Variants in SCAP observed in about 807,000 individuals in gnomAD.
The protein encoded by SCAP is sterol regulatory element-binding protein cleavage-activating protein.
In SCAP, 65 loss-of-function variants were observed where a neutral mutation model predicts 123.6. The observed-to-expected ratio is 0.53, with a 90% CI of 0.43 to 0.65. The LOEUF (loss-of-function observed/expected upper bound fraction) is 0.65, where lower values mean the gene tolerates loss of function less well. Ranked by LOEUF, SCAP falls within the 30% of genes least tolerant of loss-of-function variation. The pLI is 0.00. For missense variants in SCAP, 1,398 were observed against 1,712.5 expected (o/e 0.82, Z 3.24); for synonymous variants, 740 against 726.3 (o/e 1.02, Z -0.30).
At chr3:47,440,747 C>A (rs1395823257) in intron 2 of SCAP, among the ~76,000 whole-genome samples, 1 of 152,246 alleles carries the variant, frequency 6.6e-6, no homozygotes, top group South Asian at 2.1e-4. Flanking sequence ...ATAGTCCCAA[C>A]TACTCAGAGG....
At chr3:47,456,080 A>G (rs991350392) in intron 1 of SCAP, among the ~76,000 whole-genome samples, 9 of 152,202 alleles carry the variant, frequency 5.9e-5, no homozygotes, top group Non-Finnish European at 8.8e-5. Context: ...GCCACGGAAA[A>G]AAATTAAGCT....
In SCAP at chr3:47,420,870, G is replaced by A. The variant is rs1705869213; in HGVS notation, c.1344+61C>T. ...CGAGGTCTACACCCTTCTCACCCAG[G>A]ACTCCCTCAGTACAGCCAGGGCTGA... On this transcript the variant is annotated intron_variant, in intron 11 of 22. Coordinates refer to ENST00000265565, the MANE Select transcript of SCAP (RefSeq NM_012235.4). The surrounding 1 kb of genome is among the most constrained non-coding windows in gnomAD (Gnocchi z 5.0). The A allele has an allele frequency of 1.9e-6, 3 of 1,586,138 alleles. No individual in the cohort carries two copies. In the African/African-American group the frequency reaches 4.0e-5, roughly 21 times the overall value.
rs1553641192 is a variant in SCAP at position 47,413,803 on chromosome 3, T to C, written c.*51A>G. ...TCCCCCAAGTCCAGGTTCAGTGCAT[T>C]GGCCCCCACACAGCACCCCAGCCTC... On this transcript the variant is annotated 3_prime_UTR_variant, in exon 23 of 23. Transcript: ENST00000265565. The C allele has an allele frequency of 1.3e-6, 2 of 1,574,042 alleles. No individual in the cohort carries two copies. Among genetic ancestry groups the C allele is most frequent in the Non-Finnish European group, 1.7e-6 (2 of 1,164,196 alleles).
chr3:47,420,763 G>C lies in SCAP; in HGVS notation c.1354C>G (p.Leu452Val), dbSNP rs1705861316. 6.2e-7 allele frequency: 1 copy of C among 1,610,608 alleles called. No individual in the cohort carries two copies. Among genetic ancestry groups the C allele is most frequent in the Non-Finnish European group, 8.5e-7 (1 of 1,179,730 alleles). The change falls in exon 12 of 23, where the codon CTG becomes GTG. Residue 452 changes from leucine (L) to valine (V), a missense_variant. Around this residue, in one of 7 missense-constraint regions of SCAP, gnomAD observed 66 missense variants for 116.3 expected, o/e 0.57. Transcript: ENST00000265565. This position sits in a 1 kb window ranked among gnomAD's most constrained non-coding sequence, Gnocchi z 5.0. ...GCCTCAGGGGGCAGTCGCTTGTTCA[G>C]GTCTGCTAGCTGTTGGGGGCACAGT... ...IDIRRMELAD[L>V]NKRLPPEACL... is the part of the protein sequence containing the mutation.
At chr3:47,430,832 G>A (rs1706328922) in intron 3 of SCAP, among the ~76,000 whole-genome samples, 1 of 152,056 alleles carries the variant, frequency 6.6e-6, no homozygotes, top group South Asian at 2.1e-4. Flanking sequence ...TCCACGCCTG[G>A]GCTGCAGTCG....
chr3:47,427,138 A>C lies in SCAP; in HGVS notation c.737+19T>G. 1 of 1,569,756 alleles carries C rather than the reference A, an allele frequency of 6.4e-7. No homozygotes were observed. Among genetic ancestry groups the C allele is most frequent in the Non-Finnish European group, 8.8e-7 (1 of 1,139,632 alleles). The stretch of plus-strand genomic sequence containing the variant: ...CACCCAGCAGACCAGTCAAGAGCCC[A>C]GGGTACTGTCAATCTTACTTGGCAT... On this transcript the variant is annotated intron_variant, in intron 6 of 22. Transcript: ENST00000265565.
At chr3:47,418,605 C>T (rs762463972) in intron 14 of SCAP, 50 bp downstream of exon 14, 15 of 1,550,094 alleles carry the variant, frequency 9.7e-6, no homozygotes, top group Admixed American at 1.9e-5. Flanking sequence ...CTTGCCTACC[C>T]GTCCCCCTCC....
intron 2 of SCAP, among the ~76,000 whole-genome samples, chr3:47,436,267 C>G (rs924701391): frequency 2.0e-5 from 3 of 152,106 alleles, no homozygotes; most frequent in African/African-American, 7.2e-5. Flanking sequence ...GTGGTTTATA[C>G]TAGGATCATG....
chr3:47,437,862 G>C (rs528255799), intron 2 of SCAP, among the ~76,000 whole-genome samples: 3 of 152,248 alleles, frequency 2.0e-5, no homozygotes, highest in Admixed American at 2.0e-4. Context: ...TTTCTGTCGG[G>C]TATATTCCTA....
chr3:47,464,996 T>C, intron 1 of SCAP, among the ~76,000 whole-genome samples: 1 of 151,766 alleles, frequency 6.6e-6, no homozygotes, highest in East Asian at 1.9e-4. Context: ...AAAAACAAAA[T>C]TAGGAAAACA....
At chr3:47,437,445 AG>A (rs71098485) in intron 2 of SCAP, among the ~76,000 whole-genome samples, 14 of 144,588 alleles carry the variant, frequency 9.7e-5, no homozygotes, top group Admixed American at 1.4e-4. Flanking sequence ...AAAAAAAAAA[AG>A]GAGAATAAAG....
intron 3 of SCAP, among the ~76,000 whole-genome samples, chr3:47,429,499 C>G (rs1012624426): frequency 1.6e-4 from 24 of 152,206 alleles, no homozygotes; most frequent in African/African-American, 5.8e-4. Flanking sequence ...GGTGTGTGCA[C>G]CACCACCACG....
Position 47,450,882 on chromosome 3 carries a change from ACT to A in SCAP, c.-98-7793_-98-7792del, listed in dbSNP as rs1200469568. On this transcript the variant is annotated intron_variant, in intron 1 of 22. Transcript: ENST00000265565. Reference sequence around the variant, plus strand: ...TTTCTTTTTTTAGAGATGGGGTCTCACTCTGTCACCCAGGCTGGGGTACAGTG... The same window carrying A: ...TTTCTTTTTTTAGAGATGGGGTCTCACTGTCACCCAGGCTGGGGTACAGTG... 1.6e-5 allele frequency among the ~76,000 whole-genome samples: 2 copies of A among 122,740 alleles called. 1 individual carries two copies. Among genetic ancestry groups the A allele is most frequent in the African/African-American group, 5.6e-5 (2 of 35,750 alleles). The allele number at this position is 122,740 out of a possible 152,430, so 80.5% of individuals were successfully genotyped here.
At chr3:47,432,502 T>C (rs1235335895) in intron 3 of SCAP, among the ~76,000 whole-genome samples, 1 of 152,072 alleles carries the variant, frequency 6.6e-6, no homozygotes, top group Non-Finnish European at 1.5e-5. Flanking sequence ...TCAAGGACAG[T>C]GAGCCTCTAT....
chr3:47,416,604 C>T (rs1705583222), intron 18 of SCAP, among the ~76,000 whole-genome samples: 1 of 147,074 alleles, frequency 6.8e-6, no homozygotes, highest in East Asian at 2.0e-4. Flanking sequence ...AAGCACGTCA[C>T]ACCCCTAACG....
intron 3 of SCAP, among the ~76,000 whole-genome samples, chr3:47,433,564 T>C (rs960208339): frequency 1.3e-5 from 2 of 152,206 alleles, no homozygotes; most frequent in African/African-American, 4.8e-5. Context: ...TGTGCTAACA[T>C]TGCATTAAAA....
At position 47,420,460 on chromosome 3, in the gene SCAP, C is replaced by T. The variant is rs1017258631; in HGVS notation, c.1563+94G>A. The T allele has an allele frequency of 8.5e-6, 10 of 1,170,522 alleles. No homozygotes were observed. The highest frequency in any genetic ancestry group is 8.3e-6 in the Non-Finnish European group (7 of 847,592). 72.5% of individuals were successfully genotyped at this position (1,170,522 alleles called of 1,614,324 possible). A position where few individuals can be genotyped will look rare whatever the true frequency, so the allele number is the denominator to read the frequency against. The stretch of plus-strand genomic sequence containing the variant: ...AGGGGCCACCAGGGCCTGAGGAATA[C>T]CCTTTGCCACTCTAAGGCCAAGTGC... On this transcript the variant is annotated intron_variant, in intron 12 of 22. Transcript: ENST00000265565. This position sits in a 1 kb window ranked among gnomAD's most constrained non-coding sequence, Gnocchi z 5.0.
chr3:47,426,424 T>C (rs1396539016), intron 6 of SCAP, among the ~76,000 whole-genome samples: 2 of 152,032 alleles, frequency 1.3e-5, no homozygotes, highest in African/African-American at 4.8e-5. Context: ...ACTCTCTTTT[T>C]TATTTATTTA....
At chr3:47,462,059 T>G (rs1194926551) in intron 1 of SCAP, among the ~76,000 whole-genome samples, 1 of 152,066 alleles carries the variant, frequency 6.6e-6, no homozygotes, top group East Asian at 1.9e-4. Context: ...AGCATTCAGA[T>G]TTAAATGTTT....
Sources: gnomAD v4.1 joint callset for allele counts (sites outside exome capture counted in the v4.1 genomes callset) on GRCh38, gnomAD v4.1.1 for gene constraint, gnomAD v4.1.1 regional missense constraint, Gnocchi (gnomAD v3.1) non-coding constraint, MANE v1.5 for transcripts, NCBI Gene and HGNC (gene_info 2026-07-23, HGNC 2026-07-21) for gene names.